PTPRK: variants seen among roughly 807,000 people sequenced by gnomAD.
The protein encoded by PTPRK is protein tyrosine phosphatase receptor type K, also known as receptor-type tyrosine-protein phosphatase kappa.
A neutral mutation model predicts 178.0 loss-of-function variants in PTPRK; 75 were observed. That is an observed-to-expected ratio of 0.42 (90% confidence interval 0.35 to 0.51). The LOEUF is 0.51. Among genes scored for constraint, PTPRK ranks in the 20% least tolerant of loss-of-function variants. The probability of loss-of-function intolerance (pLI) is 0.02; values close to 1 mark genes in which losing one functional copy is unlikely to be tolerated. For synonymous variants in PTPRK, 637 were observed against 620.6 expected, an observed-to-expected ratio of 1.03 and a Z score of -0.39; for missense variants, 1,441 against 1,797.8, an observed-to-expected ratio of 0.80 and a Z score of 3.59.
chr6:127,972,956 C>T, intron 29 of PTPRK, 66 bp downstream of exon 29: 1 of 1,503,468 alleles, frequency 6.7e-7, no homozygotes, highest in East Asian at 2.3e-5. Flanking sequence ...GAAGTCAAAT[C>T]AATAAGTAGG....
intron 1 of PTPRK, among the ~76,000 whole-genome samples, chr6:128,436,211 T>C (rs1845579991): frequency 6.6e-6 from 1 of 152,140 alleles, no homozygotes; most frequent in Non-Finnish European, 1.5e-5. Flanking sequence ...TTAAATTTCA[T>C]TTTAAATTAC....
At chr6:128,043,691 G>A (rs1777573531) in intron 13 of PTPRK, among the ~76,000 whole-genome samples, 1 of 151,750 alleles carries the variant, frequency 6.6e-6, no homozygotes, top group African/African-American at 2.4e-5. Context: ...ACTATTTAAT[G>A]TACTATTTGT....
intron 7 of PTPRK, among the ~76,000 whole-genome samples, chr6:128,099,804 T>C (rs1562582332): frequency 6.6e-6 from 1 of 152,088 alleles, no homozygotes. Flanking sequence ...CCTTCATGCA[T>C]GATTAACAGC....
At position 128,289,608 on chromosome 6, in the gene PTPRK, T is replaced by C. The variant is rs555648959; in HGVS notation, c.495+32431A>G. Reference sequence around the variant, plus strand: ...GTGGGATACCTTTTAAATAACATATTTGAAGGTTTTAGTGAGACATCTCTA... The same window carrying C: ...GTGGGATACCTTTTAAATAACATATCTGAAGGTTTTAGTGAGACATCTCTA... On this transcript the variant is annotated intron_variant, in intron 3 of 29. Transcript: ENST00000368226. Among the ~76,000 whole-genome samples the C allele has an allele frequency of 7.9e-5, 12 of 152,220 alleles. No individual in the cohort carries two copies. In the South Asian group the frequency reaches 1.9e-3, roughly 24 times the overall value.
intron 1 of PTPRK, among the ~76,000 whole-genome samples, chr6:128,428,996 T>G (rs1186585916): frequency 6.6e-6 from 1 of 152,236 alleles, no homozygotes; most frequent in Admixed American, 6.5e-5. Context: ...TTAGGTGTAT[T>G]AAAAGTATTT....
intron 1 of PTPRK, among the ~76,000 whole-genome samples, chr6:128,510,111 G>C (rs1392484140): frequency 6.6e-6 from 1 of 152,174 alleles, no homozygotes; most frequent in Non-Finnish European, 1.5e-5. Context: ...CAAGCCTCCA[G>C]TGACAAAGGG....
At chr6:128,322,430 G>C (rs1828933587) in intron 2 of PTPRK, 120 bp from the exon 3 acceptor site, 11 of 938,096 alleles carry the variant, frequency 1.2e-5, no homozygotes, top group African/African-American at 1.7e-5. Context: ...CTGTTTTCCA[G>C]AACACAGCCA....
At chr6:128,468,736 T>C (rs1379139163) in intron 1 of PTPRK, among the ~76,000 whole-genome samples, 1 of 152,118 alleles carries the variant, frequency 6.6e-6, no homozygotes, top group Non-Finnish European at 1.5e-5. Flanking sequence ...TTCTGTTTTA[T>C]TTTCTCCTAA....
chr6:128,321,750 G>T, intron 3 of PTPRK: 1 of 687,550 alleles, frequency 1.5e-6, no homozygotes, highest in Non-Finnish European at 2.6e-6. Flanking sequence ...AACAAATTTT[G>T]GACCTAAACT....
chr6:128,302,344 A>T (rs1825751831), intron 3 of PTPRK, among the ~76,000 whole-genome samples: 2 of 145,426 alleles, frequency 1.4e-5, no homozygotes, highest in South Asian at 4.5e-4. Context: ...GTGAGCCAAG[A>T]TCGCACCACT....
At chr6:128,202,530 A>T (rs574922152) in intron 6 of PTPRK, among the ~76,000 whole-genome samples, 2 of 152,248 alleles carry the variant, frequency 1.3e-5, no homozygotes, top group African/African-American at 4.8e-5. Flanking sequence ...GGAGCCAAGC[A>T]GTGTTGTTCT....
At chr6:128,281,293 TAGGG>T (rs1821631889) in intron 3 of PTPRK, among the ~76,000 whole-genome samples, 1 of 152,182 alleles carries the variant, frequency 6.6e-6, no homozygotes, top group South Asian at 2.1e-4. Flanking sequence ...GATTGAGCTT[TAGGG>T]TCTAATGGTA....
chr6:128,171,152 A>G (rs1800188629), intron 7 of PTPRK, among the ~76,000 whole-genome samples: 1 of 151,986 alleles, frequency 6.6e-6, no homozygotes, highest in African/African-American at 2.4e-5. Context: ...TGGAAAGAAG[A>G]AACACTTCAA....
intron 1 of PTPRK, among the ~76,000 whole-genome samples, chr6:128,417,750 A>G (rs562188849): frequency 2.6e-5 from 4 of 152,214 alleles, no homozygotes; most frequent in Non-Finnish European, 4.4e-5. Context: ...CTCATAGCCA[A>G]TAATATTGCC....
intron 7 of PTPRK, among the ~76,000 whole-genome samples, chr6:128,093,156 G>A (rs1018612219): frequency 2.0e-5 from 3 of 151,968 alleles, no homozygotes; most frequent in African/African-American, 7.2e-5. Flanking sequence ...CTCAATTTCC[G>A]ATTTTCTTTT....
intron 1 of PTPRK, among the ~76,000 whole-genome samples, chr6:128,456,233 C>G (rs1012381310): frequency 6.6e-6 from 1 of 152,050 alleles, no homozygotes; most frequent in Non-Finnish European, 1.5e-5. Flanking sequence ...AAATTACCCA[C>G]TATGTGCCAG....
intron 1 of PTPRK, among the ~76,000 whole-genome samples, chr6:128,433,370 A>G (rs1328011353): frequency 6.6e-6 from 1 of 152,110 alleles, no homozygotes; most frequent in Non-Finnish European, 1.5e-5. Flanking sequence ...GAATGAGAAC[A>G]TGTGATATTG....
rs1329896364 is a variant in PTPRK, at chr6:128,519,122, C to A, written c.100+1137G>T. ...GCACCGCGAACCCCAGCAGCAGATGCGCTCGCCAGCCAAGCGAAGCTGGGT... is the reference window on the plus strand; with the variant it reads ...GCACCGCGAACCCCAGCAGCAGATGAGCTCGCCAGCCAAGCGAAGCTGGGT... On this transcript the variant is annotated intron_variant, in intron 1 of 29. Transcript: ENST00000368226. This position sits in a 1 kb window ranked among gnomAD's most constrained non-coding sequence, Gnocchi z 4.3. 9.5e-6 allele frequency: 5 copies of A among 526,342 alleles called. No individual in the cohort carries two copies. The highest frequency in any genetic ancestry group is 1.4e-5 in the South Asian group (1 of 69,904). 32.6% of individuals were successfully genotyped at this position (526,342 alleles called of 1,614,324 possible). A position where few individuals can be genotyped will look rare whatever the true frequency, so the allele number is the denominator to read the frequency against.
chr6:128,393,040 T>G (rs919901271), intron 2 of PTPRK, among the ~76,000 whole-genome samples: 5 of 151,358 alleles, frequency 3.3e-5, no homozygotes, highest in Non-Finnish European at 7.4e-5. Flanking sequence ...GAAAAATAAT[T>G]TTTTTTGAGA....
Sources: gnomAD v4.1 joint callset for allele counts (sites outside exome capture counted in the v4.1 genomes callset) on GRCh38, gnomAD v4.1.1 for gene constraint, Gnocchi (gnomAD v3.1) non-coding constraint, MANE v1.5 for transcripts, NCBI Gene and HGNC (gene_info 2026-07-23, HGNC 2026-07-21) for gene names.